Variants in RBFOX1 observed in about 807,000 individuals in gnomAD.
RBFOX1 encodes RNA binding fox-1 homolog 1, also known as RNA binding protein fox-1 homolog 1.
In RBFOX1, 8 loss-of-function variants were observed where a neutral mutation model predicts 57.7. The observed-to-expected ratio is 0.14, with a 90% CI of 0.08 to 0.25. The LOEUF is 0.25. Among genes scored for constraint, RBFOX1 ranks in the 10% least tolerant of loss-of-function variants. RBFOX1 has a pLI of 1.00. For synonymous variants in RBFOX1, 326 were observed against 222.4 expected, an observed-to-expected ratio of 1.47 and a Z score of -4.15; for missense variants, 611 against 548.5, an observed-to-expected ratio of 1.11 and a Z score of -1.14.
rs560693634 is a variant in RBFOX1, at chr16:7,548,580, G to C, written c.270+30191G>C. On this transcript the variant is annotated intron_variant, in intron 5 of 15. Coordinates refer to ENST00000550418, the MANE Select transcript of RBFOX1 (RefSeq NM_018723.4). ...CTAGAGCTGTGAACCAATGCAAGGGGCAAATGCACACACATGCGGTTGCAC... is the reference window on the plus strand; with the variant it reads ...CTAGAGCTGTGAACCAATGCAAGGGCCAAATGCACACACATGCGGTTGCAC... Among the ~76,000 whole-genome samples the C allele has an allele frequency of 5.9e-5, 9 of 152,334 alleles. No homozygotes were observed. The East Asian group carries it at 1.3e-3, about 23-fold the overall frequency.
chr16:7,134,654 C>G (rs568041401), intron 4 of RBFOX1, among the ~76,000 whole-genome samples: 5 of 152,176 alleles, frequency 3.3e-5, no homozygotes, highest in African/African-American at 9.7e-5. Context: ...AAAAGAATTC[C>G]GTCAGCTTTC....
At chr16:6,838,008 C>CCTTT in intron 3 of RBFOX1, among the ~76,000 whole-genome samples, 1 of 148,452 alleles carries the variant, frequency 6.7e-6, no homozygotes, top group Non-Finnish European at 1.5e-5. Flanking sequence ...GTTACCACCC[C>CCTTT]TTTTTTTTTT....
At chr16:6,246,434 A>T (rs935310387) in intron 1 of RBFOX1, among the ~76,000 whole-genome samples, 1 of 152,102 alleles carries the variant, frequency 6.6e-6, no homozygotes, top group African/African-American at 2.4e-5. Flanking sequence ...AAGTAACAGA[A>T]CCCCATGCCA....
At chr16:6,308,525 G>T (rs918956745) in intron 1 of RBFOX1, among the ~76,000 whole-genome samples, 5 of 152,218 alleles carry the variant, frequency 3.3e-5, no homozygotes, top group African/African-American at 1.2e-4. Flanking sequence ...GAGTGACAGG[G>T]TTGCCTGCAC....
intron 14 of RBFOX1, among the ~76,000 whole-genome samples, chr16:7,698,183 G>GGTGTGTGTGGGT (rs2079408234): frequency 7.3e-6 from 1 of 136,116 alleles, no homozygotes; most frequent in Admixed American, 7.3e-5. Context: ...AGTCCAAGAG[G>GGTGTGTGTGGGT]GTGTGTGTGT....
intron 1 of RBFOX1, among the ~76,000 whole-genome samples, chr16:5,387,822 T>C (rs1012545981): frequency 6.6e-6 from 1 of 152,138 alleles, no homozygotes; most frequent in Non-Finnish European, 1.5e-5. Flanking sequence ...GACCTTGAGA[T>C]AGGAAGAGTA....
At chr16:6,175,789 G>A (rs1271650240) in intron 1 of RBFOX1, among the ~76,000 whole-genome samples, 1 of 152,134 alleles carries the variant, frequency 6.6e-6, no homozygotes, top group Non-Finnish European at 1.5e-5. Context: ...AGACTTTCGG[G>A]AGCAGTCTCT....
At chr16:6,237,166 G>A (rs1488945427) in intron 1 of RBFOX1, among the ~76,000 whole-genome samples, 1 of 152,210 alleles carries the variant, frequency 6.6e-6, no homozygotes, top group Non-Finnish European at 1.5e-5. Flanking sequence ...ACTGGCAAGG[G>A]TACTTTTATT....
At chr16:6,304,612 G>C (rs2079233896) in intron 1 of RBFOX1, among the ~76,000 whole-genome samples, 1 of 152,126 alleles carries the variant, frequency 6.6e-6, no homozygotes, top group Admixed American at 6.6e-5. Flanking sequence ...GACCAGCATG[G>C]TGGTGCTTGC....
At chr16:6,282,815 T>G (rs2076531698) in intron 1 of RBFOX1, among the ~76,000 whole-genome samples, 1 of 152,218 alleles carries the variant, frequency 6.6e-6, no homozygotes. Context: ...GAGAGCAAGC[T>G]CTGCACATCA....
intron 1 of RBFOX1, among the ~76,000 whole-genome samples, chr16:6,083,848 C>T (rs538891474): frequency 5.5e-4 from 83 of 152,158 alleles, no homozygotes; most frequent in Non-Finnish European, 4.4e-4. Flanking sequence ...TCTCTAACCC[C>T]GGGGGACACT....
At chr16:6,545,684 CAT>C (rs1223201633) in intron 2 of RBFOX1, among the ~76,000 whole-genome samples, 2 of 152,204 alleles carry the variant, frequency 1.3e-5, no homozygotes, top group East Asian at 3.9e-4. Context: ...CCCCAGAACC[CAT>C]GTTAGTGGCA....
At chr16:5,633,433 G>T (rs1288623988) in intron 3 of RBFOX1, among the ~76,000 whole-genome samples, 1 of 152,140 alleles carries the variant, frequency 6.6e-6, no homozygotes, top group Admixed American at 6.5e-5. Context: ...CTGAGATTTT[G>T]TTGCACTCAT....
In RBFOX1 at chr16:7,124,788, A is replaced by G. The variant is rs541091011; in HGVS notation, c.27+72690A>G. On this transcript the variant is annotated intron_variant, in intron 4 of 15. Coordinates refer to ENST00000550418, the MANE Select transcript of RBFOX1 (RefSeq NM_018723.4). ...AATGAGGAATGCTGCACTTCCAATG[A>G]AAACAGACAGCCAGTGTAGAGACAG... 3.3e-5 allele frequency among the ~76,000 whole-genome samples: 5 copies of G among 152,208 alleles called. No individual in the cohort carries two copies. The South Asian group carries it at 1.0e-3, about 32-fold the overall frequency.
At chr16:6,995,193 T>C (rs1016988006) in intron 3 of RBFOX1, among the ~76,000 whole-genome samples, 2 of 151,968 alleles carry the variant, frequency 1.3e-5, no homozygotes, top group Non-Finnish European at 2.9e-5. Context: ...CTTTACATAA[T>C]GGGAATTGGA....
chr16:6,309,430 A>C (rs145313200), intron 1 of RBFOX1, among the ~76,000 whole-genome samples: 1 of 152,260 alleles, frequency 6.6e-6, no homozygotes, highest in East Asian at 1.9e-4. Flanking sequence ...GGAACCAGGG[A>C]CCCAAACTTG....
intron 3 of RBFOX1, chr16:5,632,673 A>G (rs1416886587): frequency 1.3e-5 from 2 of 152,172 alleles, no homozygotes; most frequent in African/African-American, 4.8e-5. Context: ...TTTGGAGCCT[A>G]TAAGGGCATA....
At chr16:7,045,056 T>C (rs939269681) in intron 3 of RBFOX1, among the ~76,000 whole-genome samples, 1 of 152,142 alleles carries the variant, frequency 6.6e-6, no homozygotes, top group Non-Finnish European at 1.5e-5. Context: ...AGCTCTTTCT[T>C]CACGGAAGAT....
intron 4 of RBFOX1, among the ~76,000 whole-genome samples, chr16:7,289,644 C>T (rs2095722573): frequency 6.6e-6 from 1 of 152,156 alleles, no homozygotes; most frequent in South Asian, 2.1e-4. Flanking sequence ...TCATGATCAT[C>T]ATCAGCATCA....
Sources: gnomAD v4.1 joint callset for allele counts (sites outside exome capture counted in the v4.1 genomes callset) on GRCh38, gnomAD v4.1.1 for gene constraint, MANE v1.5 for transcripts, NCBI Gene and HGNC (gene_info 2026-07-23, HGNC 2026-07-21) for gene names.